Variants in CDK15 observed in about 807,000 individuals in gnomAD.
CDK15 encodes cyclin dependent kinase 15.
CDK15 carries 62 observed loss-of-function variants against 60.3 expected under a neutral mutation model. That is an observed-to-expected ratio of 1.03 (90% CI 0.84 to 1.27). The LOEUF is 1.27. Ranked by LOEUF, CDK15 falls within the 50% of genes most tolerant of loss-of-function variation. CDK15 has a pLI of 0.00. For synonymous variants in CDK15, 194 were observed against 195.7 expected, an observed-to-expected ratio of 0.99 and a Z score of 0.07; for missense variants, 541 against 527.8, an observed-to-expected ratio of 1.03 and a Z score of -0.25.
chr2:201,813,468 CTTA>C (rs1695861378), intron 4 of CDK15, among the ~76,000 whole-genome samples: 3 of 152,220 alleles, frequency 2.0e-5, no homozygotes, highest in African/African-American at 7.2e-5. Context: ...CTTCCCTGGC[CTTA>C]TTTTCTCCCA....
At chr2:201,883,018 G>T (rs1396925416) in intron 12 of CDK15, among the ~76,000 whole-genome samples, 1 of 152,186 alleles carries the variant, frequency 6.6e-6, no homozygotes, top group African/African-American at 2.4e-5. Flanking sequence ...CTCCATCCCT[G>T]AGGAGGGCTG....
In CDK15 at chr2:201,806,698, C is replaced by A. The variant is rs779517791; in HGVS notation, c.34C>A (p.Pro12Thr). Reference protein sequence around the residue: ...GQELCAKTVQPGCSCYHCSEG... With the variant: ...GQELCAKTVQTGCSCYHCSEG... The stretch of plus-strand genomic sequence containing the variant: ...AGAGCTGTGTGCAAAGACTGTACAG[C>A]CTGGATGCAGCTGCTACCATTGTTC... Residue 12 changes from proline to threonine, a missense_variant, in exon 1 of 14, where the codon CCT (proline) becomes ACT (threonine). Coordinates refer to ENST00000652192, the MANE Select transcript of CDK15 (RefSeq NM_001366386.2). 1.9e-5 allele frequency: 30 copies of A among 1,597,770 alleles called. No individual in the cohort carries two copies. The South Asian group carries it at 2.5e-4, about 13-fold the overall frequency.
chr2:201,826,187 G>A (rs957740471), intron 6 of CDK15, among the ~76,000 whole-genome samples: 2 of 152,158 alleles, frequency 1.3e-5, no homozygotes, highest in Non-Finnish European at 2.9e-5. Flanking sequence ...TCGGCCGGGC[G>A]CAGTGGCTCA....
intron 11 of CDK15, 25 bp from the exon 12 acceptor site, chr2:201,880,003 C>T: frequency 1.2e-6 from 2 of 1,612,202 alleles, no homozygotes; most frequent in Non-Finnish European, 1.7e-6. Flanking sequence ...TGGAGAAACT[C>T]TATTTTTCTC....
chr2:201,818,802 A>G (rs558688516), intron 4 of CDK15, among the ~76,000 whole-genome samples: 36 of 152,320 alleles, frequency 2.4e-4, no homozygotes, highest in Admixed American at 1.1e-3. Context: ...GGAGACAACT[A>G]AAAGAAAGAA....
At position 201,822,803 on chromosome 2, in the gene CDK15, T is replaced by C; in HGVS notation, c.449-6T>C. On this transcript the variant is annotated splice_polypyrimidine_tract_variant and splice_region_variant and intron_variant, in intron 4 of 13. Coordinates refer to ENST00000652192, the MANE Select transcript of CDK15 (RefSeq NM_001366386.2). ...ATGGATTTAACATTTTGTTTAATTT[T>C]TCTAGCTTCTCTCCTGAAGGGTTTG... 1 of 1,577,892 alleles carries C rather than the reference T, an allele frequency of 6.3e-7. No homozygotes were observed. The highest frequency in any genetic ancestry group is 1.3e-5 in the African/African-American group (1 of 74,254).
In CDK15 at chr2:201,890,822, G is replaced by A. The variant is rs1699618337; in HGVS notation, c.1236G>A (p.Lys412=). 1.2e-6 allele frequency: 2 copies of A among 1,613,680 alleles called. No homozygotes were observed. Among genetic ancestry groups the A allele is most frequent in the Non-Finnish European group, 8.5e-7 (1 of 1,179,798 alleles). ...TTACAGTTTCAGGAGTGAGGCTAAA[G>A]CCAGAAATGTGTGACCTTTTGGCCT... is the stretch of plus-strand genomic sequence containing the variant. ...SLFTVSGVRL[K]PEMCDLLASY... The change falls in exon 13 of 14, where the codon AAG becomes AAA. Residue 412 remains lysine, a synonymous_variant. Transcript: ENST00000652192.
At chr2:201,821,384 A>T (rs770747759) in intron 4 of CDK15, among the ~76,000 whole-genome samples, 17 of 152,122 alleles carry the variant, frequency 1.1e-4, no homozygotes, top group Non-Finnish European at 2.5e-4. Context: ...AGGGGAAAAT[A>T]GAAGTGCCCC....
At chr2:201,807,253 T>C (rs940271409) in intron 1 of CDK15, among the ~76,000 whole-genome samples, 5 of 151,636 alleles carry the variant, frequency 3.3e-5, no homozygotes, top group Non-Finnish European at 7.4e-5. Context: ...ATCAAAGAGA[T>C]TTAGGTTAAC....
intron 10 of CDK15, among the ~76,000 whole-genome samples, chr2:201,864,358 C>T (rs541519012): frequency 2.2e-4 from 33 of 152,166 alleles, no homozygotes; most frequent in African/African-American, 8.0e-4. Flanking sequence ...CACTCTGTCA[C>T]CCAGGCTGGG....
chr2:201,885,609 G>T (rs1457363243), intron 12 of CDK15, among the ~76,000 whole-genome samples: 1 of 152,168 alleles, frequency 6.6e-6, no homozygotes, highest in Admixed American at 6.5e-5. Flanking sequence ...ATAGCATTGT[G>T]TTGCTGGGAG....
At chr2:201,821,675 C>G (rs1457849324) in intron 4 of CDK15, among the ~76,000 whole-genome samples, 1 of 152,074 alleles carries the variant, frequency 6.6e-6, no homozygotes, top group East Asian at 1.9e-4. Flanking sequence ...TGAGCCTCAT[C>G]ATCTCTTTTT....
At chr2:201,844,254 T>C (rs573374469) in intron 8 of CDK15, among the ~76,000 whole-genome samples, 3 of 152,296 alleles carry the variant, frequency 2.0e-5, no homozygotes, top group Non-Finnish European at 2.9e-5. Flanking sequence ...TTATTTTTAC[T>C]CCAAAACAAA....
At chr2:201,875,078 T>C (rs757469962) in intron 11 of CDK15, among the ~76,000 whole-genome samples, 5 of 151,954 alleles carry the variant, frequency 3.3e-5, no homozygotes, top group Non-Finnish European at 7.4e-5. Flanking sequence ...TAGTATGGAG[T>C]GATGGGTTAG....
chr2:201,843,491 C>T (rs1045128314), intron 8 of CDK15, among the ~76,000 whole-genome samples: 8 of 152,114 alleles, frequency 5.3e-5, no homozygotes, highest in Admixed American at 5.2e-4. Flanking sequence ...TGTCACCTTT[C>T]AAACTTACAG....
At chr2:201,836,458 T>C (rs1697093064) in intron 8 of CDK15, among the ~76,000 whole-genome samples, 1 of 151,746 alleles carries the variant, frequency 6.6e-6, no homozygotes. Flanking sequence ...ACTCTTTTTA[T>C]GTTATTTTAT....
intron 11 of CDK15, among the ~76,000 whole-genome samples, chr2:201,873,443 G>A (rs764020): frequency 6.6e-6 from 1 of 151,890 alleles, no homozygotes; most frequent in South Asian, 2.1e-4. Flanking sequence ...TTTTAGCATG[G>A]CCCGTGGCTT....
chr2:201,880,201 C>CGTGTGCGTG (rs1699226569), intron 12 of CDK15, 34 bp downstream of exon 12: 1 of 1,609,080 alleles, frequency 6.2e-7, no homozygotes, highest in African/African-American at 1.3e-5. Flanking sequence ...TGCGTGAGTG[C>CGTGTGCGTG]ATGTGCGTGA....
chr2:201,834,094 G>A (rs1468819068), intron 7 of CDK15, 123 bp downstream of exon 7: 15 of 1,198,468 alleles, frequency 1.3e-5, no homozygotes, highest in Non-Finnish European at 1.7e-5. Flanking sequence ...TGCTTTGTGA[G>A]GATATCAAAC....
Sources: gnomAD v4.1 joint callset for allele counts (sites outside exome capture counted in the v4.1 genomes callset) on GRCh38, gnomAD v4.1.1 for gene constraint, MANE v1.5 for transcripts, NCBI Gene and HGNC (gene_info 2026-07-23, HGNC 2026-07-21) for gene names.